Variants in RPN1 observed in about 807,000 individuals in gnomAD.
RPN1 encodes the protein ribophorin I.
Under a neutral mutation model 55.5 loss-of-function variants are expected in RPN1, and 12 were observed. The observed-to-expected ratio is 0.22, with a 90% CI of 0.14 to 0.35. The LOEUF is 0.35. Among genes scored for constraint, RPN1 ranks in the 10% least tolerant of loss-of-function variants. The pLI, the probability that RPN1 is intolerant of heterozygous loss-of-function variation, is 1.00. For missense variants in RPN1, 679 were observed against 761.3 expected, an observed-to-expected ratio of 0.89 and a Z score of 1.27; for synonymous variants, 317 against 305.9, an observed-to-expected ratio of 1.04 and a Z score of -0.38.
chr3:128,626,723 TCA>T lies in RPN1; in HGVS notation c.1136+8_1136+9del. Reference sequence around the variant, plus strand: ...AATCGGGTGCAAAGGAGAGGAACAGTCACACTCACTTGGCTCCTTCAGGCAGG... The same window carrying T: ...AATCGGGTGCAAAGGAGAGGAACAGTCACTCACTTGGCTCCTTCAGGCAGG... On this transcript the variant is annotated splice_region_variant and intron_variant, in intron 6 of 9. Coordinates refer to ENST00000296255, the MANE Select transcript of RPN1 (RefSeq NM_002950.4). 6.2e-7 allele frequency: 1 copy of T among 1,612,870 alleles called. No homozygotes were observed. Among genetic ancestry groups the T allele is most frequent in the Non-Finnish European group, 8.5e-7 (1 of 1,178,998 alleles).
At position 128,650,817 on chromosome 3, in the gene RPN1, G is replaced by A. The variant is rs2069814333; in HGVS notation, c.-17C>T. 2.0e-6 allele frequency: 3 copies of A among 1,491,770 alleles called. No homozygotes were observed. The highest frequency in any genetic ancestry group is 1.4e-5 in the African/African-American group (1 of 71,322). 92.4% of individuals were successfully genotyped at this position (1,491,770 alleles called of 1,614,324 possible). The stretch of plus-strand genomic sequence containing the variant: ...CGCCTCCATGACCGGGAAGAGCAGT[G>A]CGCCAGGGCGGGTAGGGCCCGGGCG... On this transcript the variant is annotated 5_prime_UTR_variant, in exon 1 of 10. Transcript: ENST00000296255.
chr3:128,646,276 G>C (rs534013143), intron 1 of RPN1, among the ~76,000 whole-genome samples: 108 of 137,866 alleles, frequency 7.8e-4, no homozygotes, highest in South Asian at 4.0e-3. Context: ...GTAGAGACAA[G>C]ATCTCCCTAT....
intron 1 of RPN1, among the ~76,000 whole-genome samples, chr3:128,645,200 AG>A (rs1286850768): frequency 2.0e-5 from 3 of 152,162 alleles, no homozygotes; most frequent in African/African-American, 7.2e-5. Context: ...GGCCAGGCGC[AG>A]GGGCTCACAC....
intron 1 of RPN1, among the ~76,000 whole-genome samples, chr3:128,649,656 C>T (rs1046999216): frequency 1.3e-5 from 2 of 152,056 alleles, no homozygotes; most frequent in Non-Finnish European, 2.9e-5. Context: ...TAATAAAAAC[C>T]AAACCTCTGT....
chr3:128,648,713 C>T (rs2069788439), intron 1 of RPN1, among the ~76,000 whole-genome samples: 1 of 152,186 alleles, frequency 6.6e-6, no homozygotes, highest in Non-Finnish European at 1.5e-5. Context: ...GCACATATAT[C>T]CATTTAACTG....
chr3:128,647,612 G>C (rs1230525730), intron 1 of RPN1, among the ~76,000 whole-genome samples: 1 of 151,302 alleles, frequency 6.6e-6, no homozygotes, highest in East Asian at 1.9e-4. Flanking sequence ...GATAGCTTGA[G>C]CCCAGAAATT....
intron 2 of RPN1, 92 bp from the exon 3 acceptor site, chr3:128,638,197 A>C: frequency 1.1e-6 from 1 of 887,608 alleles, no homozygotes; most frequent in Non-Finnish European, 1.7e-6. Context: ...TTTTGAACCA[A>C]AGACAAAAGC....
Position 128,622,269 on chromosome 3 carries a change from G to A in RPN1, c.1536C>T (p.Leu512=). 1.9e-6 allele frequency: 3 copies of A among 1,614,246 alleles called. No individual in the cohort carries two copies. Among genetic ancestry groups the A allele is most frequent in the Non-Finnish European group, 2.5e-6 (3 of 1,180,050 alleles). ...TCTCCAGGCTCTTCTTGCCACTGTT[G>A]AGGGTGGAGATGTCCCGGGATTGCT... ...RYKQSRDIST[L]NSGKKSLETE... Residue 512 remains leucine (L), a synonymous_variant, in exon 9 of 10, where the codon CTC becomes CTT. Coordinates refer to ENST00000296255, the MANE Select transcript of RPN1 (RefSeq NM_002950.4).
intron 8 of RPN1, among the ~76,000 whole-genome samples, chr3:128,624,042 G>A (rs1397832267): frequency 1.3e-5 from 2 of 148,332 alleles, no homozygotes; most frequent in East Asian, 2.0e-4. Context: ...TCGAGCCCCC[G>A]CCCCCCCGCA....
chr3:128,645,608 G>A (rs893329051), intron 1 of RPN1, among the ~76,000 whole-genome samples: 1 of 151,984 alleles, frequency 6.6e-6, no homozygotes, highest in Non-Finnish European at 1.5e-5. Flanking sequence ...CACCAGGTCA[G>A]GAGTTTGAGA....
At chr3:128,646,222 CAA>C (rs397803037) in intron 1 of RPN1, among the ~76,000 whole-genome samples, 1,190 of 67,580 alleles carry the variant, frequency 0.018, 9 homozygotes, top group African/African-American at 0.062. Flanking sequence ...GACTCCGTCT[CAA>C]AAAAAAAAAA....
chr3:128,626,147 A>C, intron 6 of RPN1, 135 bp from the exon 7 acceptor site: 3 of 852,594 alleles, frequency 3.5e-6, no homozygotes, highest in Non-Finnish European at 5.3e-6. Flanking sequence ...CTCCCTTCTC[A>C]GCTATGGAGA....
At chr3:128,621,795 T>C (rs1204011475) in intron 9 of RPN1, among the ~76,000 whole-genome samples, 1 of 152,092 alleles carries the variant, frequency 6.6e-6, no homozygotes, top group African/African-American at 2.4e-5. Context: ...GTTTACAAAC[T>C]CTGAATCAGA....
chr3:128,632,594 C>CT (rs1223056955), intron 3 of RPN1, among the ~76,000 whole-genome samples: 1 of 151,972 alleles, frequency 6.6e-6, no homozygotes, highest in African/African-American at 2.4e-5. Flanking sequence ...TCTGACTTCA[C>CT]TTTTTTTTCT....
chr3:128,635,377 C>T (rs1018989245), intron 3 of RPN1, among the ~76,000 whole-genome samples: 5 of 151,462 alleles, frequency 3.3e-5, no homozygotes, highest in Middle Eastern at 3.4e-3. Context: ...CCTTGGCTAC[C>T]GCAACCCCTA....
chr3:128,649,681 T>C (rs1420299894), intron 1 of RPN1, among the ~76,000 whole-genome samples: 2 of 152,176 alleles, frequency 1.3e-5, no homozygotes, highest in Non-Finnish European at 2.9e-5. Context: ...GTACATTCCC[T>C]TTACTCCCAA....
At position 128,620,270 on chromosome 3, in the gene RPN1, G is replaced by A; in HGVS notation, c.*141C>T. 1 of 548,794 alleles carries A rather than the reference G, an allele frequency of 1.8e-6. No homozygotes were observed. Among genetic ancestry groups the A allele is most frequent in the East Asian group, 3.3e-5 (1 of 30,450 alleles). 34.0% of individuals were successfully genotyped at this position (548,794 alleles called of 1,614,324 possible). On this transcript the variant is annotated 3_prime_UTR_variant, in exon 10 of 10. Coordinates refer to ENST00000296255, the MANE Select transcript of RPN1 (RefSeq NM_002950.4). Reference sequence around the variant, plus strand: ...CGGCAAACTCACACTGCCTGACGCAGGGCCTGGTTTCTCTTCCTTGAAGGC... The same window carrying A: ...CGGCAAACTCACACTGCCTGACGCAAGGCCTGGTTTCTCTTCCTTGAAGGC...
At chr3:128,635,690 T>C (rs796935303) in intron 3 of RPN1, among the ~76,000 whole-genome samples, 46,248 of 137,608 alleles carry the variant, frequency 0.34, 8,223 homozygotes, top group Middle Eastern at 0.41. Flanking sequence ...TCTATAGATA[T>C]ACACACACAC....
intron 1 of RPN1, among the ~76,000 whole-genome samples, chr3:128,646,268 A>G (rs1378696068): frequency 6.8e-6 from 1 of 147,380 alleles, no homozygotes; most frequent in East Asian, 2.0e-4. Context: ...TTATTTTTGT[A>G]GAGACAAGAT....
Sources: gnomAD v4.1 joint callset for allele counts (sites outside exome capture counted in the v4.1 genomes callset) on GRCh38, gnomAD v4.1.1 for gene constraint, MANE v1.5 for transcripts, NCBI Gene and HGNC (gene_info 2026-07-23, HGNC 2026-07-21) for gene names.